The following DPP6 variants were observed in gnomAD, a reference collection of about 807,000 sequenced individuals.
DPP6 encodes the protein dipeptidyl peptidase like 6, also known as A-type potassium channel modulatory protein DPP6.
Under a neutral mutation model 122.6 loss-of-function variants are expected in DPP6, and 69 were observed. The observed-to-expected ratio is 0.56, with a 90% CI of 0.46 to 0.69. The LOEUF is 0.69. Among genes scored for constraint, DPP6 ranks in the 30% least tolerant of loss-of-function variants. The pLI is 0.00. For synonymous variants in DPP6, 418 were observed against 433.1 expected (o/e 0.97, Z 0.43); for missense variants, 928 against 1,116.9 (o/e 0.83, Z 2.41).
chr7:154,714,427 T>C (rs1841364381), intron 7 of DPP6, among the ~76,000 whole-genome samples: 2 of 152,214 alleles, frequency 1.3e-5, no homozygotes, highest in Non-Finnish European at 1.5e-5. Flanking sequence ...CTGGGTAGTT[T>C]ATAAAAGAAG....
chr7:154,318,652 T>C (rs1349230489), intron 1 of DPP6, among the ~76,000 whole-genome samples: 1 of 152,364 alleles, frequency 6.6e-6, no homozygotes, highest in South Asian at 2.1e-4. Context: ...TGAAAGAGGC[T>C]AAGTTGTACC....
At chr7:154,512,106 C>T (rs1826135159) in intron 3 of DPP6, among the ~76,000 whole-genome samples, 1 of 152,148 alleles carries the variant, frequency 6.6e-6, no homozygotes, top group Non-Finnish European at 1.5e-5. Flanking sequence ...AATCATGGCA[C>T]TCAATTCATA....
chr7:154,330,897 C>G (rs1294679605), intron 1 of DPP6, among the ~76,000 whole-genome samples: 1 of 152,202 alleles, frequency 6.6e-6, no homozygotes, highest in African/African-American at 2.4e-5. Flanking sequence ...GACTCCTTCT[C>G]AGATCTGGGC....
the DPP6 span, among the ~76,000 whole-genome samples, chr7:153,749,249 C>T: frequency 6.6e-6 from 1 of 152,164 alleles, no homozygotes; most frequent in Non-Finnish European, 1.5e-5. The surrounding 1 kb of genome is among the most constrained non-coding windows in gnomAD (Gnocchi z 4.1). Flanking sequence ...TGCATCCGCT[C>T]CCGCCGGCCA....
At chr7:154,179,986 C>T (rs541290113) in intron 1 of DPP6, among the ~76,000 whole-genome samples, 67 of 152,236 alleles carry the variant, frequency 4.4e-4, no homozygotes, top group African/African-American at 1.4e-3. Context: ...AAGAGGATTT[C>T]GGTTTAAAAA....
At chr7:154,234,217 C>G (rs1452250228) in intron 1 of DPP6, among the ~76,000 whole-genome samples, 2 of 152,162 alleles carry the variant, frequency 1.3e-5, no homozygotes, top group African/African-American at 4.8e-5. Context: ...AAATGAGTCT[C>G]TTCCTCATTC....
At chr7:154,130,627 T>G (rs1298035344) in intron 1 of DPP6, among the ~76,000 whole-genome samples, 1 of 152,102 alleles carries the variant, frequency 6.6e-6, no homozygotes, top group Non-Finnish European at 1.5e-5. Flanking sequence ...TGCACATCAT[T>G]GTGTTTTACC....
At chr7:153,792,945 G>T in the DPP6 span, among the ~76,000 whole-genome samples, 1 of 152,006 alleles carries the variant, frequency 6.6e-6, no homozygotes, top group East Asian at 1.9e-4. Context: ...TCTTGCCACC[G>T]CCATGTAAGA....
chr7:154,480,553 C>A (rs987810762), intron 3 of DPP6, among the ~76,000 whole-genome samples: 1 of 152,106 alleles, frequency 6.6e-6, no homozygotes, highest in African/African-American at 2.4e-5. Flanking sequence ...TTGGCCGGTT[C>A]TCCCTCTTCT....
At chr7:154,285,721 G>A (rs1030328774) in intron 1 of DPP6, among the ~76,000 whole-genome samples, 2 of 152,220 alleles carry the variant, frequency 1.3e-5, no homozygotes, top group African/African-American at 4.8e-5. Context: ...CTATTTCCCT[G>A]AGAAAAGGTA....
chr7:154,401,943 G>T (rs1815647187), intron 1 of DPP6, among the ~76,000 whole-genome samples: 2 of 152,310 alleles, frequency 1.3e-5, no homozygotes, highest in South Asian at 4.1e-4. Context: ...CAAAGGACAT[G>T]AACAGACACT....
chr7:154,450,989 G>T (rs1349391587), intron 2 of DPP6, among the ~76,000 whole-genome samples: 1 of 152,122 alleles, frequency 6.6e-6, no homozygotes, highest in Non-Finnish European at 1.5e-5. Context: ...GTGTCTAGGG[G>T]TTTGCAGTTA....
intron 1 of DPP6, among the ~76,000 whole-genome samples, chr7:154,262,647 A>G (rs1273325575): frequency 2.6e-5 from 3 of 117,134 alleles, no homozygotes; most frequent in African/African-American, 1.0e-4. Context: ...AAAGTGTCAA[A>G]TGAAGTTCAA....
intron 1 of DPP6, among the ~76,000 whole-genome samples, chr7:153,960,354 T>C (rs1795283156): frequency 6.6e-6 from 1 of 152,098 alleles, no homozygotes; most frequent in Non-Finnish European, 1.5e-5. Flanking sequence ...ATTTTATAAT[T>C]CAAAGGCCTA....
intron 1 of DPP6, among the ~76,000 whole-genome samples, chr7:154,278,304 GT>G (rs1804270320): frequency 6.6e-6 from 1 of 152,210 alleles, no homozygotes; most frequent in African/African-American, 2.4e-5. Flanking sequence ...CTGAGGAACA[GT>G]TTTCACACTC....
At chr7:154,300,880 A>T (rs1436755666) in intron 1 of DPP6, among the ~76,000 whole-genome samples, 1 of 152,196 alleles carries the variant, frequency 6.6e-6, no homozygotes. Flanking sequence ...GAATGTGATG[A>T]TATTTGGAGA....
At chr7:154,499,751 AC>A (rs547604644) in intron 3 of DPP6, among the ~76,000 whole-genome samples, 1 of 150,880 alleles carries the variant, frequency 6.6e-6, no homozygotes, top group African/African-American at 2.4e-5. Flanking sequence ...CCACCCACCA[AC>A]CCCCCCAGAT....
chr7:154,546,691 T>C (rs554932066), intron 4 of DPP6, among the ~76,000 whole-genome samples: 2 of 152,284 alleles, frequency 1.3e-5, no homozygotes, highest in East Asian at 3.9e-4. Context: ...TTTATCTCTG[T>C]CTCTAAAAAT....
chr7:153,837,712 C>T, the DPP6 span, among the ~76,000 whole-genome samples: 43 of 151,842 alleles, frequency 2.8e-4, no homozygotes, highest in African/African-American at 8.2e-4. Flanking sequence ...TGTTTTGAGA[C>T]GGATTCACTC....
Sources: gnomAD v4.1 joint callset for allele counts (sites outside exome capture counted in the v4.1 genomes callset) on GRCh38, gnomAD v4.1.1 for gene constraint, Gnocchi (gnomAD v3.1) non-coding constraint, MANE v1.5 for transcripts, NCBI Gene and HGNC (gene_info 2026-07-23, HGNC 2026-07-21) for gene names.